The following IMMP2L variants were observed in gnomAD, a reference collection of about 807,000 sequenced individuals.
The protein encoded by IMMP2L is mitochondrial inner membrane protease subunit 2.
IMMP2L carries 18 observed loss-of-function variants against 19.3 expected under a neutral mutation model. The observed-to-expected ratio is 0.93, with a 90% CI of 0.64 to 1.38. IMMP2L has a LOEUF of 1.38. Among genes scored for constraint, IMMP2L ranks in the 40% most tolerant of loss-of-function variants. The pLI is 0.00. For synonymous variants in IMMP2L, 76 were observed against 73.0 expected (o/e 1.04, Z -0.21); for missense variants, 233 against 218.2 (o/e 1.07, Z -0.43).
At chr7:110,693,621 A>C (rs992211577) in intron 5 of IMMP2L, among the ~76,000 whole-genome samples, 2 of 152,206 alleles carry the variant, frequency 1.3e-5, no homozygotes, top group Non-Finnish European at 2.9e-5. Context: ...AAAGTGCTTA[A>C]GGAAGGCCTC....
At chr7:111,196,926 C>T (rs2129614396) in intron 3 of IMMP2L, among the ~76,000 whole-genome samples, 1 of 152,250 alleles carries the variant, frequency 6.6e-6, no homozygotes, top group Non-Finnish European at 1.5e-5. Context: ...TGCAGTATTT[C>T]GCTGAATAGG....
chr7:110,766,814 C>G (rs111255753), intron 5 of IMMP2L, among the ~76,000 whole-genome samples: 1 of 151,964 alleles, frequency 6.6e-6, no homozygotes, highest in Admixed American at 6.6e-5. Context: ...AAGGCAGAAA[C>G]GTAACTGATT....
intron 2 of IMMP2L, among the ~76,000 whole-genome samples, chr7:111,503,143 C>A (rs1184287679): frequency 6.6e-6 from 1 of 152,080 alleles, no homozygotes; most frequent in Non-Finnish European, 1.5e-5. Flanking sequence ...GGGGATATCA[C>A]AACCGATCCC....
At chr7:110,919,681 G>GA (rs111663310) in intron 4 of IMMP2L, among the ~76,000 whole-genome samples, 11,821 of 150,252 alleles carry the variant, frequency 0.079, 1,563 homozygotes, top group African/African-American at 0.27. Context: ...CTTATTTCTT[G>GA]AAAAAAAAAT....
chr7:110,887,807 C>T (rs1810379872), intron 4 of IMMP2L, among the ~76,000 whole-genome samples: 1 of 151,238 alleles, frequency 6.6e-6, no homozygotes, highest in Admixed American at 6.6e-5. Flanking sequence ...AGAAGCTTCT[C>T]AGTAAGTGTT....
chr7:110,773,049 G>GAT (rs1294594907), intron 5 of IMMP2L, among the ~76,000 whole-genome samples: 1 of 151,790 alleles, frequency 6.6e-6, no homozygotes, highest in African/African-American at 2.4e-5. Context: ...GCATTGAGGA[G>GAT]ATATATATTC....
chr7:110,831,700 C>G (rs1803984527), intron 5 of IMMP2L, among the ~76,000 whole-genome samples: 1 of 152,120 alleles, frequency 6.6e-6, no homozygotes, highest in South Asian at 2.1e-4. Context: ...ATAAAAATAA[C>G]CATGCACTAA....
intron 5 of IMMP2L, among the ~76,000 whole-genome samples, chr7:110,735,633 A>AT (rs1796567370): frequency 7.1e-6 from 1 of 139,872 alleles, no homozygotes; most frequent in Non-Finnish European, 1.5e-5. Context: ...TGTGTCTACA[A>AT]ATATATATAT....
At chr7:110,960,860 C>T in intron 4 of IMMP2L, among the ~76,000 whole-genome samples, 1 of 151,792 alleles carries the variant, frequency 6.6e-6, no homozygotes, top group Non-Finnish European at 1.5e-5. Context: ...CAACCCAATA[C>T]AAAATGTGCA....
intron 3 of IMMP2L, among the ~76,000 whole-genome samples, chr7:111,447,545 C>T (rs1333517112): frequency 2.0e-5 from 3 of 147,244 alleles, no homozygotes; most frequent in East Asian, 2.0e-4. Flanking sequence ...CCTAAAAGAG[C>T]TCCTGAAGGA....
At chr7:111,151,666 C>A (rs1055572437) in intron 3 of IMMP2L, among the ~76,000 whole-genome samples, 3 of 152,126 alleles carry the variant, frequency 2.0e-5, no homozygotes, top group African/African-American at 7.2e-5. Context: ...GGGCCAGATG[C>A]GGTGGCTCAC....
intron 3 of IMMP2L, among the ~76,000 whole-genome samples, chr7:111,279,706 A>G (rs1002587929): frequency 3.3e-5 from 5 of 152,142 alleles, no homozygotes; most frequent in African/African-American, 1.2e-4. Flanking sequence ...TTTAATTACT[A>G]TATTATAACC....
At chr7:110,931,430 T>A in intron 4 of IMMP2L, among the ~76,000 whole-genome samples, 1 of 152,268 alleles carries the variant, frequency 6.6e-6, no homozygotes, top group Admixed American at 6.5e-5. Context: ...ATATTCCTCA[T>A]CTCCACAAAC....
chr7:111,052,555 T>G (rs1793096954), intron 3 of IMMP2L, among the ~76,000 whole-genome samples: 1 of 152,204 alleles, frequency 6.6e-6, no homozygotes, highest in Non-Finnish European at 1.5e-5. Flanking sequence ...GCTGAACCAA[T>G]GTATACCTTA....
chr7:111,388,734 T>G (rs1832039880), intron 3 of IMMP2L, among the ~76,000 whole-genome samples: 1 of 151,946 alleles, frequency 6.6e-6, no homozygotes, highest in Non-Finnish European at 1.5e-5. Flanking sequence ...CTCGTGAGAC[T>G]TATTCACTAC....
intron 5 of IMMP2L, among the ~76,000 whole-genome samples, chr7:110,818,877 G>A (rs563040102): frequency 1.4e-5 from 2 of 146,562 alleles, no homozygotes; most frequent in Admixed American, 7.1e-5. Context: ...ACCAAACACC[G>A]CATATTCTCA....
chr7:111,272,474 A>G (rs1818570724), intron 3 of IMMP2L, among the ~76,000 whole-genome samples: 1 of 152,210 alleles, frequency 6.6e-6, no homozygotes, highest in Non-Finnish European at 1.5e-5. Flanking sequence ...TTACTTGGTC[A>G]TACTACAACT....
chr7:111,497,675 T>C (rs756536416), intron 2 of IMMP2L, among the ~76,000 whole-genome samples: 2 of 152,008 alleles, frequency 1.3e-5, no homozygotes, highest in Non-Finnish European at 2.9e-5. Flanking sequence ...TAACTTATAA[T>C]GGTTTAGAAA....
At chr7:111,478,146 C>T (rs965555359) in intron 3 of IMMP2L, among the ~76,000 whole-genome samples, 1 of 152,194 alleles carries the variant, frequency 6.6e-6, no homozygotes, top group South Asian at 2.1e-4. Context: ...ATATTATTTA[C>T]ACTATTGATT....
Sources: gnomAD v4.1 joint callset for allele counts (sites outside exome capture counted in the v4.1 genomes callset) on GRCh38, gnomAD v4.1.1 for gene constraint, MANE v1.5 for transcripts, NCBI Gene and HGNC (gene_info 2026-07-23, HGNC 2026-07-21) for gene names.